The following SH3BP2 variants were observed in gnomAD, a reference collection of about 807,000 sequenced individuals.
The protein encoded by SH3BP2 is SH3 domain binding protein 2, also known as SH3 domain-binding protein 2.
SH3BP2 carries 38 observed loss-of-function variants against 56.2 expected under a neutral mutation model. The observed-to-expected ratio is 0.68, with a 90% CI of 0.52 to 0.89. SH3BP2 has a LOEUF of 0.89. Ranked by LOEUF, SH3BP2 falls within the 40% of genes least tolerant of loss-of-function variation. The probability of loss-of-function intolerance (pLI) is 0.00; values close to 1 mark genes in which losing one functional copy is unlikely to be tolerated. For missense variants in SH3BP2, 748 were observed against 762.6 expected (o/e 0.98, Z 0.23); for synonymous variants, 346 against 316.7 (o/e 1.09, Z -0.98).
At chr4:2,813,271 T>C (rs1486787864) in intron 1 of SH3BP2, among the ~76,000 whole-genome samples, 1 of 152,228 alleles carries the variant, frequency 6.6e-6, no homozygotes, top group Admixed American at 6.5e-5. Flanking sequence ...AGCTGGGCCG[T>C]GGCTGTGCTG....
chr4:2,832,565 A>G (rs975569278), intron 11 of SH3BP2, among the ~76,000 whole-genome samples, 153 bp downstream of exon 11: 2 of 151,980 alleles, frequency 1.3e-5, no homozygotes, highest in East Asian at 1.9e-4. Flanking sequence ...GCACCCCCCA[A>G]TCTATTCCCT....
intron 1 of SH3BP2, among the ~76,000 whole-genome samples, chr4:2,802,532 ATG>A (rs138848543): frequency 0.53 from 74,159 of 140,656 alleles, 19,102 homozygotes; most frequent in Admixed American, 0.59. Flanking sequence ...ATATATATGT[ATG>A]TGTGTGTGTG....
chr4:2,830,529 T>A (rs1289738671), intron 8 of SH3BP2, among the ~76,000 whole-genome samples: 2 of 152,206 alleles, frequency 1.3e-5, no homozygotes, highest in Non-Finnish European at 1.5e-5. Flanking sequence ...GCCCGGCTAA[T>A]TTTTGTATTT....
rs149701601 is a variant in SH3BP2, at chr4:2,822,154, C to T, written c.137-781C>T. On this transcript the variant is annotated intron_variant, in intron 2 of 12. Transcript: ENST00000503393. ...TTCTGGGATTACAGGCATGAGCCAC[C>T]GCGCCTGGCCTATTTATTATTTTTA... Among the ~76,000 whole-genome samples the T allele has an allele frequency of 5.9e-3, 897 of 152,232 alleles. 13 individuals are homozygous for T. Among genetic ancestry groups the T allele is most frequent in the African/African-American group, 0.021 (859 of 41,530 alleles).
In SH3BP2 at chr4:2,824,707, G is replaced by A. The variant is rs767897689; in HGVS notation, c.334G>A (p.Ala112Thr). 1 of 1,613,496 alleles carries A rather than the reference G, an allele frequency of 6.2e-7. No homozygotes were observed. Among genetic ancestry groups the A allele is most frequent in the South Asian group, 1.1e-5 (1 of 91,074 alleles). ...GAAGCACCGCACGTGGTTCTTCTCGGCCTCCTCCGAGGAGGAGCGCAAGGT... is the reference window on the plus strand; with the variant it reads ...GAAGCACCGCACGTGGTTCTTCTCGACCTCCTCCGAGGAGGAGCGCAAGGT... ...SKKHRTWFFS[A>T]SSEEERKSWM... The change falls in exon 4 of 13, where the codon GCC becomes ACC. Residue 112 changes from alanine to threonine, a missense_variant. This residue lies in a region of SH3BP2 where 635 missense variants were observed against 615.0 expected (regional missense o/e 1.03). Coordinates refer to ENST00000503393, the MANE Select transcript of SH3BP2 (RefSeq NM_001122681.2).
At chr4:2,830,523 G>C (rs879713732) in intron 8 of SH3BP2, among the ~76,000 whole-genome samples, 9 of 152,252 alleles carry the variant, frequency 5.9e-5, no homozygotes, top group Non-Finnish European at 1.0e-4. Flanking sequence ...CAACACGCCC[G>C]GCTAATTTTT....
At chr4:2,827,472 G>A in intron 6 of SH3BP2, 134 bp from the exon 7 acceptor site, 1 of 1,180,546 alleles carries the variant, frequency 8.5e-7, no homozygotes, top group Non-Finnish European at 1.2e-6. Flanking sequence ...GCCTTCAGCG[G>A]CAGGGTCTGG....
At chr4:2,808,377 A>C (rs1042458531) in intron 1 of SH3BP2, among the ~76,000 whole-genome samples, 13 of 152,186 alleles carry the variant, frequency 8.5e-5, no homozygotes, top group African/African-American at 3.1e-4. Flanking sequence ...TGTGCTGCTT[A>C]ACTTAGTTAC....
chr4:2,798,381 C>T (rs1176223670), intron 1 of SH3BP2, among the ~76,000 whole-genome samples: 3 of 152,194 alleles, frequency 2.0e-5, no homozygotes, highest in African/African-American at 7.2e-5. Context: ...GATTTCTCAC[C>T]ATTAGGAGGG....
intron 3 of SH3BP2, among the ~76,000 whole-genome samples, chr4:2,824,313 G>C (rs1298291728): frequency 1.3e-5 from 2 of 152,182 alleles, no homozygotes; most frequent in African/African-American, 4.8e-5. Context: ...AGAGGTGGGA[G>C]GGTGGCGTCC....
At chr4:2,822,626 T>C (rs2108728023) in intron 2 of SH3BP2, among the ~76,000 whole-genome samples, 1 of 152,346 alleles carries the variant, frequency 6.6e-6, no homozygotes, top group South Asian at 2.1e-4. Flanking sequence ...GGGCCTCTGG[T>C]CCTGGCTCTG....
chr4:2,807,251 A>T (rs1258047607), intron 1 of SH3BP2, among the ~76,000 whole-genome samples: 1 of 152,142 alleles, frequency 6.6e-6, no homozygotes, highest in Non-Finnish European at 1.5e-5. Flanking sequence ...GTTCTTTGAA[A>T]ACCTCTCTCA....
At position 2,833,996 on chromosome 4, in the gene SH3BP2, G is replaced by A. The variant is rs61791176; in HGVS notation, c.*162G>A. ...CGTAGGACCCAGCCAGTCTCATCCA[G>A]CAGGTTGGGTTCTAGGGCTGAACCA... On this transcript the variant is annotated 3_prime_UTR_variant, in exon 13 of 13. Transcript: ENST00000503393. 2.2e-3 allele frequency: 1,892 copies of A among 877,166 alleles called. 4 individuals carry two copies. Among genetic ancestry groups the A allele is most frequent in the Non-Finnish European group, 2.8e-3 (1,658 of 588,206 alleles). 54.3% of individuals were successfully genotyped at this position (877,166 alleles called of 1,614,324 possible). A position where few individuals can be genotyped will look rare whatever the true frequency, so the allele number is the denominator to read the frequency against.
At chr4:2,799,286 GGCTGCA>G (rs1723164159) in intron 1 of SH3BP2, 2 of 985,392 alleles carry the variant, frequency 2.0e-6, no homozygotes, top group African/African-American at 3.5e-5. Context: ...TCAGACCCTG[GGCTGCA>G]GCTGCCTAAT....
At chr4:2,796,263 G>A (rs879692141) in intron 1 of SH3BP2, 13 of 218,866 alleles carry the variant, frequency 5.9e-5, no homozygotes, top group Admixed American at 3.3e-4. Flanking sequence ...AGAGAAGCAC[G>A]TGCCCAGGTT....
chr4:2,827,744 C>A, intron 7 of SH3BP2, 70 bp downstream of exon 7: 3 of 1,355,566 alleles, frequency 2.2e-6, no homozygotes, highest in African/African-American at 1.4e-5. Context: ...GGGAGCAGAG[C>A]CCCTCCGAGG....
intron 2 of SH3BP2, among the ~76,000 whole-genome samples, chr4:2,821,974 TCTC>T (rs1189944891): frequency 6.6e-6 from 1 of 152,130 alleles, no homozygotes; most frequent in Non-Finnish European, 1.5e-5. Context: ...TTCCAGCAAT[TCTC>T]CTGCCTCAGC....
chr4:2,812,737 C>A (rs149021859), intron 1 of SH3BP2, among the ~76,000 whole-genome samples: 4 of 152,082 alleles, frequency 2.6e-5, no homozygotes, highest in African/African-American at 7.2e-5. Flanking sequence ...CCCCACCCCC[C>A]CATCACATGC....
rs231395 is a variant in SH3BP2, at chr4:2,832,827, C to T, written c.1489-163C>T. Among the ~76,000 whole-genome samples, 25,102 of 152,140 alleles carry T rather than the reference C, an allele frequency of 0.16. 2,267 individuals carry two copies. Among genetic ancestry groups the T allele is most frequent in the African/African-American group, 0.24 (9,924 of 41,482 alleles). On this transcript the variant is annotated intron_variant, in intron 11 of 12. Transcript: ENST00000503393. ...GGCTCTCTGAGGGCTGCCAGTGTCG[C>T]CCCCGCTGTCCTTGTGCAGGTGGTC...
Sources: allele counts gnomAD v4.1 joint callset (sites outside exome capture counted in the v4.1 genomes callset), GRCh38; gene constraint gnomAD v4.1.1; regional missense constraint gnomAD v4.1.1; transcripts MANE v1.5; gene names NCBI Gene and HGNC (gene_info 2026-07-23, HGNC 2026-07-21).